The following PEPD variants were observed in gnomAD, a reference collection of about 807,000 sequenced individuals.
The protein encoded by PEPD is xaa-Pro dipeptidase.
Under a neutral mutation model 60.7 loss-of-function variants are expected in PEPD, and 53 were observed. That is an observed-to-expected ratio of 0.87 (90% CI 0.70 to 1.10). PEPD has a LOEUF of 1.10. Ranked by LOEUF, PEPD falls within the 50% of genes least tolerant of loss-of-function variation. The pLI is 0.00. For missense variants in PEPD, 711 were observed against 711.9 expected, an observed-to-expected ratio of 1.00 and a Z score of 0.01; for synonymous variants, 267 against 284.1, an observed-to-expected ratio of 0.94 and a Z score of 0.60.
chr19:33,434,955 G>T (rs575262690), intron 9 of PEPD, among the ~76,000 whole-genome samples: 3 of 152,138 alleles, frequency 2.0e-5, no homozygotes, highest in Non-Finnish European at 4.4e-5. Flanking sequence ...CCCTGAGGAC[G>T]GCCTGGAGGG....
chr19:33,468,799 G>A (rs147679114), intron 7 of PEPD, among the ~76,000 whole-genome samples: 207 of 152,272 alleles, frequency 1.4e-3, no homozygotes, highest in African/African-American at 4.7e-3. Context: ...CCTTTCTCTC[G>A]GCGGAGGCAG....
intron 10 of PEPD, 95 bp downstream of exon 10, chr19:33,413,480 G>A: frequency 2.7e-6 from 2 of 749,702 alleles, no homozygotes; most frequent in Non-Finnish European, 4.7e-6. Flanking sequence ...GTGAGCAAGT[G>A]TGGCTGAGCT....
intron 1 of PEPD, among the ~76,000 whole-genome samples, chr19:33,520,584 T>C (rs1168753235): frequency 6.6e-6 from 1 of 152,240 alleles, no homozygotes; most frequent in African/African-American, 2.4e-5. Flanking sequence ...CTGCTATTCC[T>C]GGAATATAGC....
At chr19:33,438,488 C>T (rs1014236531) in intron 9 of PEPD, among the ~76,000 whole-genome samples, 1 of 152,346 alleles carries the variant, frequency 6.6e-6, no homozygotes, top group African/African-American at 2.4e-5. Context: ...CCAAGACCTA[C>T]GTCAGGGCAC....
intron 3 of PEPD, among the ~76,000 whole-genome samples, chr19:33,509,734 A>C (rs145353289): frequency 6.6e-6 from 1 of 152,236 alleles, no homozygotes; most frequent in Non-Finnish European, 1.5e-5. Flanking sequence ...CGGAGATGAC[A>C]CGCAGTGAGG....
intron 12 of PEPD, 115 bp from the exon 13 acceptor site, chr19:33,391,594 G>T: frequency 1.1e-6 from 1 of 945,600 alleles, no homozygotes; most frequent in Non-Finnish European, 1.6e-6. Flanking sequence ...GCCTGAGGTG[G>T]GGGGTGAGGG....
At chr19:33,502,851 T>C (rs929936316) in intron 3 of PEPD, among the ~76,000 whole-genome samples, 1 of 151,874 alleles carries the variant, frequency 6.6e-6, no homozygotes, top group African/African-American at 2.4e-5. Flanking sequence ...CATTCTTTCG[T>C]TGCTTCATTC....
At chr19:33,424,107 G>A (rs1457460773) in intron 9 of PEPD, among the ~76,000 whole-genome samples, 3 of 152,208 alleles carry the variant, frequency 2.0e-5, no homozygotes, top group Non-Finnish European at 1.5e-5. Context: ...CTGCTCCTGT[G>A]CTGGGACTTC....
intron 9 of PEPD, among the ~76,000 whole-genome samples, chr19:33,448,278 C>A (rs1346989683): frequency 6.6e-6 from 1 of 152,212 alleles, no homozygotes; most frequent in African/African-American, 2.4e-5. Flanking sequence ...TGCGGGGCTG[C>A]TCCTCACTAG....
intron 3 of PEPD, among the ~76,000 whole-genome samples, chr19:33,504,423 CG>C (rs1038310554): frequency 6.6e-6 from 1 of 152,168 alleles, no homozygotes; most frequent in African/African-American, 2.4e-5. Context: ...GGTCCAGCAA[CG>C]GTACTTCATG....
intron 7 of PEPD, among the ~76,000 whole-genome samples, chr19:33,467,814 T>C (rs1381326188): frequency 6.6e-6 from 1 of 152,172 alleles, no homozygotes; most frequent in Non-Finnish European, 1.5e-5. Context: ...ATTGCTTTGA[T>C]AGCACTTTAA....
chr19:33,423,206 C>G (rs1216934408), intron 9 of PEPD, among the ~76,000 whole-genome samples: 1 of 152,212 alleles, frequency 6.6e-6, no homozygotes, highest in African/African-American at 2.4e-5. Context: ...GAGACCAGAA[C>G]AGTGCTTGGC....
At chr19:33,447,245 G>A (rs1277907672) in intron 9 of PEPD, among the ~76,000 whole-genome samples, 1 of 152,194 alleles carries the variant, frequency 6.6e-6, no homozygotes, top group Non-Finnish European at 1.5e-5. Context: ...ACTCATGGAG[G>A]GTGGCCCCAG....
chr19:33,501,714 T>C (rs1970717920), intron 3 of PEPD, among the ~76,000 whole-genome samples: 1 of 151,834 alleles, frequency 6.6e-6, no homozygotes, highest in Middle Eastern at 3.2e-3. Flanking sequence ...TTTTATTTTA[T>C]GTTCTAGAGA....
rs570117233 is a variant in PEPD at position 33,500,993 on chromosome 19, G to A, written c.338C>T (p.Ser113Phe). 7 of 1,594,124 alleles carry A rather than the reference G, an allele frequency of 4.4e-6. No homozygotes were observed. In the South Asian group the frequency reaches 6.6e-5, roughly 15 times the overall value. Reference protein sequence around the residue: ...SHATWMGKIHSKEHFKEKYAV... With the variant: ...SHATWMGKIHFKEHFKEKYAV... ...ATACTTCTCCTTGAAGTGCTCCTTG[G>A]AATGGATCCTCAAAGAAAAGCACAA... The change falls in exon 4 of 15, where the codon TCC (serine) becomes TTC (phenylalanine). Residue 113 changes from serine (S) to phenylalanine (F), a missense_variant. By Grantham distance (155) the Ser-to-Phe change is radical. Coordinates refer to ENST00000244137, the MANE Select transcript of PEPD (RefSeq NM_000285.4).
chr19:33,413,449 G>C (rs776618654), intron 10 of PEPD, 126 bp downstream of exon 10: 3 of 668,424 alleles, frequency 4.5e-6, no homozygotes, highest in Non-Finnish European at 8.2e-6. Flanking sequence ...GCTTGGGCCG[G>C]GCGCTGGTGT....
chr19:33,492,512 C>G (rs1019338127), intron 5 of PEPD, among the ~76,000 whole-genome samples: 1 of 152,178 alleles, frequency 6.6e-6, no homozygotes, highest in Non-Finnish European at 1.5e-5. Flanking sequence ...CTATCCATCA[C>G]CTCAAGCATT....
intron 9 of PEPD, among the ~76,000 whole-genome samples, chr19:33,452,165 T>C (rs142078826): frequency 0.04 from 6,080 of 152,258 alleles, 308 homozygotes; most frequent in Admixed American, 0.16. Flanking sequence ...CTAGCTCCAA[T>C]GGTGACAGAA....
At chr19:33,394,859 C>T (rs1968325320) in intron 12 of PEPD, among the ~76,000 whole-genome samples, 2 of 152,220 alleles carry the variant, frequency 1.3e-5, no homozygotes, top group Admixed American at 6.5e-5. Context: ...CACCAAACCT[C>T]ATTCTGGCTT....
Sources: gnomAD v4.1 joint callset for allele counts (sites outside exome capture counted in the v4.1 genomes callset) on GRCh38, gnomAD v4.1.1 for gene constraint, MANE v1.5 for transcripts, NCBI Gene and HGNC (gene_info 2026-07-23, HGNC 2026-07-21) for gene names.